MMP26: variants seen among roughly 807,000 people sequenced by gnomAD.
MMP26 encodes the protein matrix metalloproteinase-26.
In MMP26, 33 loss-of-function variants were observed where a neutral mutation model predicts 31.0. The ratio of observed to expected loss-of-function variants is 1.06; its 90% CI spans 0.81 to 1.42. The LOEUF is 1.42. Among genes scored for constraint, MMP26 ranks in the 40% most tolerant of loss-of-function variants. MMP26 has a pLI of 0.00. For missense variants in MMP26, 347 were observed against 316.1 expected (o/e 1.10, Z -0.74); for synonymous variants, 122 against 114.9 (o/e 1.06, Z -0.40).
At position 4,844,505 on chromosome 11, in the gene MMP26, A is replaced by C. The variant is rs139197603; in HGVS notation, c.-145+77164A>C. 9.0e-3 allele frequency among the ~76,000 whole-genome samples: 1,369 copies of C among 152,304 alleles called. 25 individuals are homozygous for C. The highest frequency in any genetic ancestry group is 0.031 in the African/African-American group (1,300 of 41,578). On this transcript the variant is annotated intron_variant, in intron 2 of 7. Transcript: ENST00000380390. ...TATCTCTGATAAATGTTGATGCAAA[A>C]ATCCTCAACAAAATACTAGCAAGCT...
At chr11:4,977,814 A>G (rs959850844) in intron 2 of MMP26, among the ~76,000 whole-genome samples, 4 of 152,052 alleles carry the variant, frequency 2.6e-5, no homozygotes, top group Non-Finnish European at 4.4e-5. Context: ...TCTAGCTTAG[A>G]TTCCTGTACC....
At chr11:4,803,982 G>A (rs1383963138) in intron 2 of MMP26, 1 of 1,613,588 alleles carries the variant, frequency 6.2e-7, no homozygotes, top group East Asian at 2.2e-5. Context: ...TAGAGTGTCG[G>A]AGTGGGAAGC....
chr11:4,814,237 C>T (rs774778074), intron 2 of MMP26, among the ~76,000 whole-genome samples: 5 of 152,148 alleles, frequency 3.3e-5, no homozygotes, highest in Non-Finnish European at 7.4e-5. Flanking sequence ...CGAGCAATTT[C>T]ACTTTTAGTT....
intron 1 of MMP26, among the ~76,000 whole-genome samples, chr11:4,725,276 G>A (rs1350949699): frequency 6.6e-6 from 1 of 152,090 alleles, no homozygotes; most frequent in Non-Finnish European, 1.5e-5. Context: ...CTAATACATA[G>A]ACATAAAGAT....
chr11:4,713,536 G>A (rs1404988158), intron 1 of MMP26, among the ~76,000 whole-genome samples: 1 of 152,104 alleles, frequency 6.6e-6, no homozygotes, highest in East Asian at 1.9e-4. Flanking sequence ...TTTTATGTCT[G>A]TTTCCACAGG....
At chr11:4,870,932 G>C (rs1431363675) in intron 2 of MMP26, among the ~76,000 whole-genome samples, 1 of 152,052 alleles carries the variant, frequency 6.6e-6, no homozygotes, top group Non-Finnish European at 1.5e-5. Context: ...AAGTGAGAGA[G>C]TGGAGTTAAA....
chr11:4,964,531 G>A (rs1300911335), intron 2 of MMP26, among the ~76,000 whole-genome samples: 3 of 151,938 alleles, frequency 2.0e-5, no homozygotes, highest in Non-Finnish European at 2.9e-5. Flanking sequence ...AGACCTAGAG[G>A]CAAAAATATC....
intron 1 of MMP26, among the ~76,000 whole-genome samples, chr11:4,720,628 G>C (rs563053555): frequency 6.6e-6 from 1 of 152,204 alleles, no homozygotes; most frequent in Non-Finnish European, 1.5e-5. Flanking sequence ...TGGGAACAAA[G>C]AGAAGAGTTT....
intron 2 of MMP26, among the ~76,000 whole-genome samples, chr11:4,891,686 AT>A (rs1323903498): frequency 6.6e-6 from 1 of 152,194 alleles, no homozygotes; most frequent in Non-Finnish European, 1.5e-5. Context: ...TATGATAATG[AT>A]TACAATGTCC....
At chr11:4,787,610 C>A (rs1046819116) in intron 2 of MMP26, 2 of 152,240 alleles carry the variant, frequency 1.3e-5, no homozygotes, top group African/African-American at 4.8e-5. Context: ...TTTCCTTGGC[C>A]CCTCTCGGCT....
At chr11:4,803,697 C>G in intron 2 of MMP26, 1 of 1,613,786 alleles carries the variant, frequency 6.2e-7, no homozygotes, top group Non-Finnish European at 8.5e-7. Context: ...GCAACTGAAG[C>G]ACAGCTCTCA....
At chr11:4,720,509 G>A (rs1485556401) in intron 1 of MMP26, among the ~76,000 whole-genome samples, 1 of 152,084 alleles carries the variant, frequency 6.6e-6, no homozygotes, top group African/African-American at 2.4e-5. Flanking sequence ...GAAGCATTTA[G>A]TACAAAGAAC....
intron 2 of MMP26, among the ~76,000 whole-genome samples, chr11:4,976,554 C>T (rs905413489): frequency 1.3e-5 from 2 of 151,966 alleles, no homozygotes; most frequent in Middle Eastern, 3.2e-3. Flanking sequence ...AGGATAAAGC[C>T]ACTCAAATCC....
chr11:4,821,469 G>C (rs1849497474), intron 2 of MMP26: 1 of 1,613,544 alleles, frequency 6.2e-7, no homozygotes, highest in South Asian at 1.1e-5. Context: ...TCTTCCTCCT[G>C]ATGGGCATTC....
At chr11:4,888,261 A>C (rs967848075) in intron 2 of MMP26, among the ~76,000 whole-genome samples, 4 of 152,130 alleles carry the variant, frequency 2.6e-5, no homozygotes, top group African/African-American at 9.7e-5. Context: ...AGTAAAAGAT[A>C]GACAAGAAAC....
intron 2 of MMP26, among the ~76,000 whole-genome samples, chr11:4,927,534 G>A (rs918175298): frequency 6.6e-6 from 1 of 152,148 alleles, no homozygotes; most frequent in African/African-American, 2.4e-5. Flanking sequence ...TTAGCAAACA[G>A]CTAAGACTGA....
chr11:4,753,964 C>CAAAG (rs1848477004), intron 1 of MMP26, among the ~76,000 whole-genome samples: 1 of 151,960 alleles, frequency 6.6e-6, no homozygotes, highest in Non-Finnish European at 1.5e-5. Flanking sequence ...GGTCTTTAAT[C>CAAAG]TGATCTTTGT....
At chr11:4,769,273 G>T (rs1313482473) in intron 2 of MMP26, 7 of 1,613,706 alleles carry the variant, frequency 4.3e-6, no homozygotes, top group Non-Finnish European at 5.1e-6. Context: ...ACAGGACAAT[G>T]CATGGTGTAT....
At chr11:4,760,275 T>C (rs1160501898) in intron 1 of MMP26, among the ~76,000 whole-genome samples, 2 of 152,208 alleles carry the variant, frequency 1.3e-5, no homozygotes, top group Non-Finnish European at 2.9e-5. Flanking sequence ...ATTCATTTAA[T>C]TAATTAATTT....
Sources: allele counts gnomAD v4.1 joint callset (sites outside exome capture counted in the v4.1 genomes callset), GRCh38; gene constraint gnomAD v4.1.1; transcripts MANE v1.5; gene names NCBI Gene and HGNC (gene_info 2026-07-23, HGNC 2026-07-21).